The following ICA1 variants were observed in gnomAD, a reference collection of about 807,000 sequenced individuals.
ICA1 encodes 69 kDa islet cell autoantigen.
In ICA1, 40 loss-of-function variants were observed where a neutral mutation model predicts 71.0. The ratio of observed to expected loss-of-function variants is 0.56; its 90% CI spans 0.44 to 0.73. ICA1 has a LOEUF of 0.73. ICA1 is among the 30% of genes least tolerant of loss of function. The probability of loss-of-function intolerance (pLI) is 0.00; values close to 1 mark genes in which losing one functional copy is unlikely to be tolerated. For missense variants in ICA1, 578 were observed against 576.5 expected (o/e 1.00, Z -0.03); for synonymous variants, 207 against 209.5 (o/e 0.99, Z 0.10).
chr7:8,221,445 A>G (rs1417898232), intron 4 of ICA1, 47 bp from the exon 5 acceptor site: 2 of 1,604,470 alleles, frequency 1.2e-6, no homozygotes, highest in Non-Finnish European at 1.7e-6. Context: ...GAGCATTTTG[A>G]TTGCAAAGGG....
At chr7:8,224,458 G>T (rs144337286) in intron 4 of ICA1, among the ~76,000 whole-genome samples, 1 of 152,136 alleles carries the variant, frequency 6.6e-6, no homozygotes, top group African/African-American at 2.4e-5. Context: ...CAATTTACAT[G>T]TATTAAACCT....
intron 12 of ICA1, among the ~76,000 whole-genome samples, chr7:8,133,940 A>G (rs1340632832): frequency 6.6e-6 from 1 of 151,482 alleles, no homozygotes; most frequent in African/African-American, 2.4e-5. Flanking sequence ...CAGGTTAAAT[A>G]ACCTACCCAA....
At chr7:8,245,752 T>A (rs373294101) in intron 1 of ICA1, among the ~76,000 whole-genome samples, 57 of 152,298 alleles carry the variant, frequency 3.7e-4, no homozygotes, top group African/African-American at 1.3e-3. Flanking sequence ...TAAAATATAG[T>A]ATGTTATACT....
In ICA1 at chr7:8,238,657, T is replaced by C. The variant is rs565490923; in HGVS notation, c.-79-2652A>G. ...TGACTTTTTAATTAATTTTTGCTTA[T>C]TAAAATGCCTTTTAATTTAAATCCT... On this transcript the variant is annotated intron_variant, in intron 1 of 13. Transcript: ENST00000402384. Among the ~76,000 whole-genome samples the C allele has an allele frequency of 2.0e-5, 3 of 152,338 alleles. 1 individual carries two copies. Among genetic ancestry groups the C allele is most frequent in the African/African-American group, 7.2e-5 (3 of 41,564 alleles).
chr7:8,154,153 C>T (rs1447342644), intron 8 of ICA1, among the ~76,000 whole-genome samples: 7 of 151,978 alleles, frequency 4.6e-5, no homozygotes, highest in Admixed American at 2.0e-4. Context: ...TTTGTTGTCA[C>T]ATAAAACATT....
intron 6 of ICA1, among the ~76,000 whole-genome samples, chr7:8,213,850 T>C (rs532771617): frequency 1.3e-5 from 2 of 151,068 alleles, no homozygotes; most frequent in East Asian, 3.9e-4. Context: ...TCACCACATA[T>C]CCTTTGATAA....
chr7:8,254,386 G>C (rs1477013539), intron 1 of ICA1, among the ~76,000 whole-genome samples: 2 of 151,516 alleles, frequency 1.3e-5, no homozygotes, highest in Non-Finnish European at 2.9e-5. Context: ...TCCAGGCAGG[G>C]GAAGGGAGGA....
At chr7:8,189,184 T>C (rs1784785573) in intron 6 of ICA1, among the ~76,000 whole-genome samples, 1 of 152,308 alleles carries the variant, frequency 6.6e-6, no homozygotes, top group South Asian at 2.1e-4. Flanking sequence ...GGGATCTGTA[T>C]TATTTGACTG....
rs1254184749 is a variant in ICA1 at position 8,234,940 on chromosome 7, C to A, written c.17+970G>T. On this transcript the variant is annotated intron_variant, in intron 2 of 13. Coordinates refer to ENST00000402384, the MANE Select transcript of ICA1 (RefSeq NM_001136020.3). This position sits in a 1 kb window ranked among gnomAD's most constrained non-coding sequence, Gnocchi z 4.5. Reference sequence around the variant, plus strand: ...CAGCACTTTGGGAGGCTGAGGTGGGCAGATCATGAGGTCAAGAGATCGAGA... The same window carrying A: ...CAGCACTTTGGGAGGCTGAGGTGGGAAGATCATGAGGTCAAGAGATCGAGA... 6.6e-6 allele frequency among the ~76,000 whole-genome samples: 1 copy of A among 151,800 alleles called. No individual in the cohort carries two copies. Among genetic ancestry groups the A allele is most frequent in the Non-Finnish European group, 1.5e-5 (1 of 67,952 alleles).
At chr7:8,205,737 G>A (rs1791283705) in intron 6 of ICA1, among the ~76,000 whole-genome samples, 1 of 152,186 alleles carries the variant, frequency 6.6e-6, no homozygotes. Context: ...CCAAAGAAAA[G>A]GAACTGATGA....
In ICA1 at chr7:8,191,109, C is replaced by T. The variant is rs1785443049; in HGVS notation, c.579+27196G>A. On this transcript the variant is annotated intron_variant, in intron 6 of 13. Coordinates refer to ENST00000402384, the MANE Select transcript of ICA1 (RefSeq NM_001136020.3). ...GATAGCTGTCCATCGTTCCTGCCCT[C>T]CACTTTATACGAGAGTAACTGAAAT... Among the ~76,000 whole-genome samples the T allele has an allele frequency of 2.0e-5, 3 of 152,284 alleles. No individual in the cohort carries two copies. In the South Asian group the frequency reaches 6.2e-4, roughly 32 times the overall value.
At chr7:8,139,821 A>T (rs978039108) in intron 10 of ICA1, among the ~76,000 whole-genome samples, 18 of 152,228 alleles carry the variant, frequency 1.2e-4, no homozygotes, top group African/African-American at 3.9e-4. Context: ...GCTGTGAACC[A>T]AAAACTATTC....
At chr7:8,160,676 T>C (rs1232076606) in intron 6 of ICA1, among the ~76,000 whole-genome samples, 2 of 152,222 alleles carry the variant, frequency 1.3e-5, no homozygotes, top group African/African-American at 4.8e-5. Flanking sequence ...ATGTCAAAAC[T>C]GTCCTAAGAC....
At chr7:8,151,846 G>C (rs944446330) in intron 8 of ICA1, among the ~76,000 whole-genome samples, 1 of 151,964 alleles carries the variant, frequency 6.6e-6, no homozygotes, top group African/African-American at 2.4e-5. Flanking sequence ...CCATCTAACA[G>C]TGCTAAGACC....
chr7:8,212,578 C>A (rs1021684112), intron 6 of ICA1, among the ~76,000 whole-genome samples: 2 of 152,098 alleles, frequency 1.3e-5, no homozygotes, highest in Non-Finnish European at 2.9e-5. Context: ...ACAAACAAAA[C>A]AAAACGAAAA....
At chr7:8,187,956 G>T (rs1784404136) in intron 6 of ICA1, among the ~76,000 whole-genome samples, 2 of 152,122 alleles carry the variant, frequency 1.3e-5, no homozygotes, top group Admixed American at 1.3e-4. Context: ...GAAATATTCA[G>T]AAGTTAAGAA....
chr7:8,160,743 G>T (rs574521833), intron 6 of ICA1, among the ~76,000 whole-genome samples: 2 of 152,180 alleles, frequency 1.3e-5, no homozygotes, highest in South Asian at 2.1e-4. Context: ...TAGCCACCCA[G>T]TTCCTTTCAA....
chr7:8,212,951 G>A (rs1446461164), intron 6 of ICA1, among the ~76,000 whole-genome samples: 1 of 152,136 alleles, frequency 6.6e-6, no homozygotes, highest in Non-Finnish European at 1.5e-5. Flanking sequence ...AAGCATGGGT[G>A]TAATTGTTTG....
intron 6 of ICA1, among the ~76,000 whole-genome samples, chr7:8,159,932 T>G (rs571300696): frequency 6.6e-6 from 1 of 152,152 alleles, no homozygotes; most frequent in Non-Finnish European, 1.5e-5. Flanking sequence ...CAGATCATCG[T>G]AAAGTTATAG....
Sources: gnomAD v4.1 joint callset for allele counts (sites outside exome capture counted in the v4.1 genomes callset) on GRCh38, gnomAD v4.1.1 for gene constraint, Gnocchi (gnomAD v3.1) non-coding constraint, MANE v1.5 for transcripts, NCBI Gene and HGNC (gene_info 2026-07-23, HGNC 2026-07-21) for gene names.